HIPK2: variants seen among roughly 807,000 people sequenced by gnomAD.
HIPK2 encodes homeodomain interacting protein kinase 2.
In HIPK2, 27 loss-of-function variants were observed where a neutral mutation model predicts 113.7. The observed-to-expected ratio is 0.24, with a 90% confidence interval of 0.17 to 0.33. The LOEUF is 0.33. HIPK2 is among the 10% of genes least tolerant of loss of function. HIPK2 has a pLI of 1.00. For missense variants in HIPK2, 1,257 were observed against 1,588.0 expected (o/e 0.79, Z 3.54); for synonymous variants, 631 against 642.2 (o/e 0.98, Z 0.26).
chr7:139,618,091 C>T (rs1346923329), intron 7 of HIPK2, among the ~76,000 whole-genome samples: 36 of 152,220 alleles, frequency 2.4e-4, no homozygotes, highest in South Asian at 4.1e-4. Flanking sequence ...CTCTCATGAA[C>T]GAGCAAGGGC....
chr7:139,640,658 T>G (rs1448853947), intron 2 of HIPK2, among the ~76,000 whole-genome samples: 1 of 152,190 alleles, frequency 6.6e-6, no homozygotes, highest in Non-Finnish European at 1.5e-5. Flanking sequence ...CTTATTTTTT[T>G]TTTCTTTTTG....
intron 2 of HIPK2, among the ~76,000 whole-genome samples, chr7:139,678,972 T>C (rs1177276171): frequency 6.6e-6 from 1 of 152,196 alleles, no homozygotes; most frequent in African/African-American, 2.4e-5. Context: ...TGTCTATTAT[T>C]GGTGTATAAG....
chr7:139,677,835 AAC>A lies in HIPK2; in HGVS notation c.1103+38095_1103+38096del, dbSNP rs547798142. On this transcript the variant is annotated intron_variant, in intron 2 of 14. Coordinates refer to ENST00000406875, the MANE Select transcript of HIPK2 (RefSeq NM_022740.5). The stretch of plus-strand genomic sequence containing the variant: ...GGTTGAACTAATTTACACTCCCAAC[AAC>A]AGTGTGAAAGTGTTCCTATTTCTCC... Among the ~76,000 whole-genome samples, 539 of 152,324 alleles carry A rather than the reference AAC, an allele frequency of 3.5e-3. 5 individuals are homozygous for A. The highest frequency in any genetic ancestry group is 0.012 in the African/African-American group (507 of 41,570).
At chr7:139,627,183 A>G (rs1223673534) in intron 5 of HIPK2, among the ~76,000 whole-genome samples, 1 of 152,190 alleles carries the variant, frequency 6.6e-6, no homozygotes, top group Non-Finnish European at 1.5e-5. Flanking sequence ...TGTTAATACT[A>G]TTGAACTGTA....
chr7:139,662,690 GC>G (rs1801909499), intron 2 of HIPK2, among the ~76,000 whole-genome samples: 1 of 151,000 alleles, frequency 6.6e-6, no homozygotes, highest in African/African-American at 2.4e-5. Context: ...CGTGATCTCG[GC>G]TCACTGCAAC....
rs1001999872 is a variant in HIPK2 at position 139,566,531 on chromosome 7, T to C, written c.*6396A>G. On this transcript the variant is annotated 3_prime_UTR_variant, in exon 15 of 15. Transcript: ENST00000406875. The surrounding 1 kb of genome is among the most constrained non-coding windows in gnomAD (Gnocchi z 4.1). ...AAAAGTTAAAAGATTAAAAATCACA[T>C]CTCAGGAAGGGCCTGATGAACAAAA... The C allele has an allele frequency of 6.6e-6, 1 of 152,158 alleles. No homozygotes were observed. The highest frequency in any genetic ancestry group is 2.4e-5 in the African/African-American group (1 of 41,430). 9.4% of individuals were successfully genotyped at this position (152,158 alleles called of 1,614,324 possible). A position where few individuals can be genotyped will look rare whatever the true frequency, so the allele number is the denominator to read the frequency against.
chr7:139,624,573 T>G (rs1042213516), intron 6 of HIPK2, among the ~76,000 whole-genome samples: 1 of 152,224 alleles, frequency 6.6e-6, no homozygotes, highest in Non-Finnish European at 1.5e-5. Context: ...CATCCTGTTT[T>G]CCCAGCCACA....
chr7:139,729,324 TGAGAGAGAGAGAGAGAGAGA>T lies in HIPK2; in HGVS notation c.20-12329_20-12310del, dbSNP rs71170912. ...TGGGTGACAGAGTAGACCCTGTCTC[TGAGAGAGAGAGAGAGAGAGA>T]GAGAGAGAGAGAGAGAGAGAGAGAG... On this transcript the variant is annotated intron_variant, in intron 1 of 14. Transcript: ENST00000406875. Among the ~76,000 whole-genome samples, 253 of 69,198 alleles carry T rather than the reference TGAGAGAGAGAGAGAGAGAGA, an allele frequency of 3.7e-3. 3 individuals are homozygous for T. Among genetic ancestry groups the T allele is most frequent in the Middle Eastern group, 0.019 (2 of 106 alleles). The allele number at this position is 69,198 out of a possible 152,430, so 45.4% of individuals were successfully genotyped here.
At chr7:139,647,810 G>A (rs953139567) in intron 2 of HIPK2, among the ~76,000 whole-genome samples, 2 of 152,236 alleles carry the variant, frequency 1.3e-5, no homozygotes, top group Non-Finnish European at 2.9e-5. Flanking sequence ...GAATGACAGT[G>A]ATCATTGGTA....
chr7:139,734,214 C>G (rs1485703964), intron 1 of HIPK2, among the ~76,000 whole-genome samples: 1 of 152,184 alleles, frequency 6.6e-6, no homozygotes, highest in Non-Finnish European at 1.5e-5. Flanking sequence ...CTTCCATTCC[C>G]CAGGAGAATG....
At chr7:139,594,740 C>A (rs371961872) in intron 12 of HIPK2, among the ~76,000 whole-genome samples, 6 of 152,146 alleles carry the variant, frequency 3.9e-5, no homozygotes, top group African/African-American at 1.2e-4. Flanking sequence ...CTCATGTGTC[C>A]GGCACATTTT....
chr7:139,599,877 T>C (rs1799357333), intron 11 of HIPK2, among the ~76,000 whole-genome samples: 1 of 152,196 alleles, frequency 6.6e-6, no homozygotes, highest in Non-Finnish European at 1.5e-5. Flanking sequence ...TGCACTCTGC[T>C]GTACAATCTA....
chr7:139,696,985 C>T (rs1057252816), intron 2 of HIPK2, among the ~76,000 whole-genome samples: 9 of 152,162 alleles, frequency 5.9e-5, no homozygotes, highest in South Asian at 2.1e-4. Context: ...CAAGGACACA[C>T]GAGGGTAGTC....
chr7:139,648,060 C>A (rs755790897), intron 2 of HIPK2, among the ~76,000 whole-genome samples: 1 of 152,210 alleles, frequency 6.6e-6, no homozygotes, highest in Non-Finnish European at 1.5e-5. Flanking sequence ...GGTGGTGATG[C>A]ACACAGCAGG....
At chr7:139,595,802 T>C (rs1451581940) in intron 12 of HIPK2, among the ~76,000 whole-genome samples, 1 of 152,254 alleles carries the variant, frequency 6.6e-6, no homozygotes, top group East Asian at 1.9e-4. Context: ...TTGTGATTAC[T>C]AATTAGTTAC....
rs1420413815 is a variant in HIPK2, at chr7:139,567,550, G to A, written c.*5377C>T. On this transcript the variant is annotated 3_prime_UTR_variant, in exon 15 of 15. Transcript: ENST00000406875. ...AGAAGGGTTCTTTGGCTAAAGAAAG[G>A]AACAGTTTCACCTTCCTTTCCAATT... The A allele has an allele frequency of 6.6e-6, 1 of 152,152 alleles. No homozygotes were observed. Among genetic ancestry groups the A allele is most frequent in the Non-Finnish European group, 1.5e-5 (1 of 68,034 alleles). The allele number at this position is 152,152 out of a possible 1,614,324, so 9.4% of individuals were successfully genotyped here. A position where few individuals can be genotyped will look rare whatever the true frequency, so the allele number is the denominator to read the frequency against.
At chr7:139,633,095 CAAAAAAA>C (rs942820284) in intron 2 of HIPK2, among the ~76,000 whole-genome samples, 4 of 74,610 alleles carry the variant, frequency 5.4e-5, no homozygotes, top group Admixed American at 5.3e-4. Context: ...GACCCTGTCT[CAAAAAAA>C]AAAAAAAAAA....
chr7:139,679,644 AT>A (rs1802627983), intron 2 of HIPK2, among the ~76,000 whole-genome samples: 1 of 152,218 alleles, frequency 6.6e-6, no homozygotes, highest in Non-Finnish European at 1.5e-5. Flanking sequence ...TTTTCCAGCC[AT>A]TTCATTATTT....
intron 1 of HIPK2, among the ~76,000 whole-genome samples, chr7:139,741,448 G>A (rs1796096554): frequency 6.6e-6 from 1 of 152,072 alleles, no homozygotes; most frequent in Admixed American, 6.6e-5. Context: ...TTGTTGGCAG[G>A]CCTGGCATTA....
Sources: gnomAD v4.1 joint callset for allele counts (sites outside exome capture counted in the v4.1 genomes callset) on GRCh38, gnomAD v4.1.1 for gene constraint, Gnocchi (gnomAD v3.1) non-coding constraint, MANE v1.5 for transcripts, NCBI Gene and HGNC (gene_info 2026-07-23, HGNC 2026-07-21) for gene names.